Variants in ABHD5 observed in about 807,000 individuals in gnomAD.
ABHD5 encodes the protein abhydrolase domain containing 5, lysophosphatidic acid acyltransferase.
ABHD5 carries 30 observed loss-of-function variants against 44.9 expected under a neutral mutation model. The observed-to-expected ratio is 0.67, with a 90% CI of 0.50 to 0.91. ABHD5 has a LOEUF of 0.91. ABHD5 is among the 40% of genes least tolerant of loss of function. ABHD5 has a pLI of 0.00. For missense variants in ABHD5, 399 were observed against 423.4 expected, an observed-to-expected ratio of 0.94 and a Z score of 0.50; for synonymous variants, 167 against 147.0, an observed-to-expected ratio of 1.14 and a Z score of -0.99.
intron 3 of ABHD5, 50 bp from the exon 4 acceptor site, chr3:43,711,659 C>T (rs753628895): frequency 6.2e-7 from 1 of 1,602,184 alleles, no homozygotes; most frequent in South Asian, 1.1e-5. Flanking sequence ...TCTTTATAGT[C>T]TTAGGGTGAT....
chr3:43,712,790 A>G (rs1235009181), intron 4 of ABHD5, among the ~76,000 whole-genome samples: 2 of 152,058 alleles, frequency 1.3e-5, no homozygotes, highest in East Asian at 3.9e-4. Flanking sequence ...TCATCTCACA[A>G]ATCAGCGCCC....
At chr3:43,704,099 G>A (rs760608654) in intron 3 of ABHD5, among the ~76,000 whole-genome samples, 11 of 143,332 alleles carry the variant, frequency 7.7e-5, no homozygotes, top group Non-Finnish European at 1.5e-4. Context: ...GTGCAGTGGC[G>A]CGGTATCTCG....
intron 5 of ABHD5, 22 bp from the exon 6 acceptor site, chr3:43,717,649 G>T: frequency 6.2e-7 from 1 of 1,613,682 alleles, no homozygotes. Flanking sequence ...CATACATCGT[G>T]ATTTTCTCCT....
intron 1 of ABHD5, among the ~76,000 whole-genome samples, chr3:43,696,742 G>GTA (rs2084478361): frequency 6.6e-6 from 1 of 152,150 alleles, no homozygotes; most frequent in Non-Finnish European, 1.5e-5. Flanking sequence ...AAGAAGCAGA[G>GTA]GATAGTTTCT....
intron 1 of ABHD5, chr3:43,691,338 C>G: frequency 3.9e-6 from 1 of 253,344 alleles, no homozygotes; most frequent in Non-Finnish European, 7.5e-6. Context: ...TAAGCCACCC[C>G]GCGGGCCGGC....
At chr3:43,725,548 T>C (rs2149610975), downstream of ABHD5, among the ~76,000 whole-genome samples, 1 of 152,334 alleles carries the variant, frequency 6.6e-6, no homozygotes, top group Non-Finnish European at 1.5e-5. Context: ...ACTTAAAGAT[T>C]AGAAGGTTTC....
chr3:43,732,675 C>T (rs867530368), intron 7 of ABHD5, among the ~76,000 whole-genome samples: 1 of 152,080 alleles, frequency 6.6e-6, no homozygotes, highest in East Asian at 1.9e-4. Flanking sequence ...AAGGTAACTG[C>T]AAAATTAGTG....
chr3:43,714,125 CTTTCTTTT>C (rs1424610343), intron 4 of ABHD5, among the ~76,000 whole-genome samples: 1 of 149,344 alleles, frequency 6.7e-6, no homozygotes, highest in African/African-American at 2.5e-5. Flanking sequence ...TTCTTTCTTT[CTTTCTTTT>C]TTTCTTTTTT....
At chr3:43,728,328 T>A (rs2084891254) in intron 7 of ABHD5, among the ~76,000 whole-genome samples, 1 of 152,206 alleles carries the variant, frequency 6.6e-6, no homozygotes, top group African/African-American at 2.4e-5. Flanking sequence ...ACCCTAATAT[T>A]CTGCATCACT....
chr3:43,716,567 T>G (rs2084765664), intron 5 of ABHD5, among the ~76,000 whole-genome samples: 1 of 152,092 alleles, frequency 6.6e-6, no homozygotes, highest in African/African-American at 2.4e-5. Context: ...CCTCAGTCTT[T>G]TTAATAAAGT....
At chr3:43,713,786 G>T (rs1395913335) in intron 4 of ABHD5, among the ~76,000 whole-genome samples, 1 of 152,148 alleles carries the variant, frequency 6.6e-6, no homozygotes, top group Admixed American at 6.5e-5. Context: ...GAGAAATTAG[G>T]AGACAGTGAT....
intron 1 of ABHD5, among the ~76,000 whole-genome samples, chr3:43,697,944 G>A (rs1242692220): frequency 6.6e-6 from 1 of 152,306 alleles, no homozygotes; most frequent in East Asian, 1.9e-4. Context: ...ATGAAATGGG[G>A]ATAATTTGGA....
In ABHD5 at chr3:43,700,211, C is replaced by T. The variant is rs2084524239; in HGVS notation, c.133+850C>T. Among the ~76,000 whole-genome samples the T allele has an allele frequency of 3.3e-5, 5 of 152,226 alleles. No homozygotes were observed. The South Asian group carries it at 1.0e-3, about 32-fold the overall frequency. Reference sequence around the variant, plus strand: ...AATGAATGGGTCCATAGAATTCCTTCTAGTTCTAGCATTCTAGGATTCTAT... The same window carrying T: ...AATGAATGGGTCCATAGAATTCCTTTTAGTTCTAGCATTCTAGGATTCTAT... On this transcript the variant is annotated intron_variant, in intron 2 of 6. Coordinates refer to ENST00000644371, the MANE Select transcript of ABHD5 (RefSeq NM_016006.6).
rs1448584974 is a variant in ABHD5 at position 43,717,861 on chromosome 3, A to G, written c.960+4A>G. 1 of 1,614,126 alleles carries G rather than the reference A, an allele frequency of 6.2e-7. No homozygotes were observed. The highest frequency in any genetic ancestry group is 2.2e-5 in the East Asian group (1 of 44,882). On this transcript the variant is annotated splice_donor_region_variant and intron_variant, in intron 6 of 6. Transcript: ENST00000644371. ...ACATTCATATGTGAAGACAATAGTA[A>G]GTGTGTGGCTTGATTTGGGTTTTTA...
rs72866867 is a variant in ABHD5, at chr3:43,713,463, C to T, written c.662-1484C>T. On this transcript the variant is annotated intron_variant, in intron 4 of 6. Transcript: ENST00000644371. ...AGGTGACTGTAAATGCTGTTCCCTT[C>T]TGCCCAACCCTGACCCCTCCTGCCC... Among the ~76,000 whole-genome samples the T allele has an allele frequency of 2.6e-3, 392 of 152,132 alleles. 1 individual carries two copies. The highest frequency in any genetic ancestry group is 9.0e-3 in the African/African-American group (372 of 41,508).
At chr3:43,694,142 C>T (rs1212139166) in intron 1 of ABHD5, among the ~76,000 whole-genome samples, 3 of 151,334 alleles carry the variant, frequency 2.0e-5, no homozygotes, top group East Asian at 2.0e-4. Context: ...GCCTGTAGTC[C>T]CAGCTACTCG....
chr3:43,719,444 C>T lies in ABHD5; in HGVS notation c.*912C>T, dbSNP rs184630690. ...AGTAATACCATATTTTTATTAACAT[C>T]TAACTTTTGTAGATGGGTGCTAAAA... On this transcript the variant is annotated 3_prime_UTR_variant, in exon 7 of 7. Coordinates refer to ENST00000644371, the MANE Select transcript of ABHD5 (RefSeq NM_016006.6). The T allele has an allele frequency of 1.3e-5, 2 of 152,272 alleles. No homozygotes were observed. Among genetic ancestry groups the T allele is most frequent in the Non-Finnish European group, 1.5e-5 (1 of 68,012 alleles). 9.4% of individuals were successfully genotyped at this position (152,272 alleles called of 1,614,324 possible). A position where few individuals can be genotyped will look rare whatever the true frequency, so the allele number is the denominator to read the frequency against.
intron 1 of ABHD5, 134 bp from the exon 2 acceptor site, chr3:43,699,142 A>G: frequency 1.3e-6 from 1 of 763,816 alleles, no homozygotes; most frequent in Non-Finnish European, 2.3e-6. Context: ...ATGTTAGGTC[A>G]CTTTTGTCAC....
intron 3 of ABHD5, among the ~76,000 whole-genome samples, chr3:43,703,244 A>G (rs748775082): frequency 8.6e-5 from 13 of 150,992 alleles, no homozygotes; most frequent in Non-Finnish European, 1.8e-4. Context: ...CAGTGACATG[A>G]TCTCGGCTCA....
Sources: gnomAD v4.1 joint callset for allele counts (sites outside exome capture counted in the v4.1 genomes callset) on GRCh38, gnomAD v4.1.1 for gene constraint, MANE v1.5 for transcripts, NCBI Gene and HGNC (gene_info 2026-07-23, HGNC 2026-07-21) for gene names.